Variants in COL4A4 observed in about 807,000 individuals in gnomAD.
COL4A4 encodes collagen type IV alpha 4 chain.
Under a neutral mutation model 192.9 loss-of-function variants are expected in COL4A4, and 105 were observed. That is an observed-to-expected ratio of 0.54 (90% confidence interval 0.46 to 0.64). The LOEUF (loss-of-function observed/expected upper bound fraction) is 0.64, where lower values mean the gene tolerates loss of function less well. COL4A4 is among the 30% of genes least tolerant of loss of function. COL4A4 has a pLI of 0.00. For synonymous variants in COL4A4, 762 were observed against 769.9 expected (o/e 0.99, Z 0.17); for missense variants, 1,967 against 2,169.3 (o/e 0.91, Z 1.85).
At chr2:227,001,125 C>T (rs146000998), downstream of COL4A4, among the ~76,000 whole-genome samples, 2,047 of 150,572 alleles carry the variant, frequency 0.014, 30 homozygotes, top group Middle Eastern at 0.021. Context: ...GACAGAGTCT[C>T]GCTCTGTTGC....
intron 29 of COL4A4, among the ~76,000 whole-genome samples, chr2:227,056,734 A>C (rs1331125424): frequency 6.6e-6 from 1 of 152,202 alleles, no homozygotes; most frequent in Non-Finnish European, 1.5e-5. Flanking sequence ...AAAGGTGAAC[A>C]CTTGGGGAGG....
rs991420557 is a variant in COL4A4 at position 227,025,685 on chromosome 2, C to T, written c.4090+117G>A. 12 of 893,966 alleles carry T rather than the reference C, an allele frequency of 1.3e-5. No individual in the cohort carries two copies. In the Admixed American group the frequency reaches 2.3e-4, roughly 17 times the overall value. The allele number at this position is 893,966 out of a possible 1,614,324, so 55.4% of individuals were successfully genotyped here. Reference sequence around the variant, plus strand: ...ACTGCAGCTTAATATCCTTACAGCACCCCATCTATAAAAATGTAACAAAGT... The same window carrying T: ...ACTGCAGCTTAATATCCTTACAGCATCCCATCTATAAAAATGTAACAAAGT... On this transcript the variant is annotated intron_variant, in intron 43 of 47. Transcript: ENST00000396625.
intron 28 of COL4A4, 80 bp from the exon 29 acceptor site, chr2:227,057,680 A>T: frequency 7.1e-7 from 1 of 1,409,724 alleles, no homozygotes; most frequent in Non-Finnish European, 1.0e-6. Flanking sequence ...CACGCATATC[A>T]ATACTGGAGG....
chr2:227,127,462 T>A (rs1188646588), intron 4 of COL4A4, among the ~76,000 whole-genome samples: 5 of 152,234 alleles, frequency 3.3e-5, no homozygotes, highest in Non-Finnish European at 1.5e-5. Flanking sequence ...CCGGCCTCCC[T>A]GTCTTCTGAA....
chr2:226,997,550 C>T, the COL4A4 span: 1 of 152,332 alleles, frequency 6.6e-6, no homozygotes, highest in South Asian at 2.1e-4. Flanking sequence ...TAGGGGCTCA[C>T]TAAATGTCAG....
At chr2:227,061,777 T>C (rs1977123374) in intron 26 of COL4A4, among the ~76,000 whole-genome samples, 1 of 152,216 alleles carries the variant, frequency 6.6e-6, no homozygotes, top group Non-Finnish European at 1.5e-5. Context: ...AAGTGATTGA[T>C]TCAAATGAAG....
the COL4A4 span, among the ~76,000 whole-genome samples, chr2:226,973,996 C>T: frequency 2.0e-5 from 3 of 152,148 alleles, no homozygotes; most frequent in East Asian, 1.9e-4. Context: ...GGGTAAGAGG[C>T]CCAGTGCCCC....
intron 27 of COL4A4, 37 bp downstream of exon 27, chr2:227,060,099 C>CAGAAA (rs1553644134): frequency 9.6e-6 from 4 of 417,294 alleles, no homozygotes; most frequent in Non-Finnish European, 1.3e-5. Flanking sequence ...ATTCCCAAAG[C>CAGAAA]AGAAAAAAAA....
chr2:227,020,598 G>T (rs1965813482), intron 44 of COL4A4, among the ~76,000 whole-genome samples: 1 of 152,090 alleles, frequency 6.6e-6, no homozygotes, highest in Non-Finnish European at 1.5e-5. Flanking sequence ...AAAACAAGTG[G>T]TACAAAATTC....
At chr2:226,981,646 TA>T in the COL4A4 span, among the ~76,000 whole-genome samples, 1 of 152,062 alleles carries the variant, frequency 6.6e-6, no homozygotes, top group Admixed American at 6.6e-5. Flanking sequence ...TAATCAGACC[TA>T]AAAGAACACA....
chr2:227,030,386 C>T, intron 41 of COL4A4, 57 bp downstream of exon 41: 1 of 1,583,692 alleles, frequency 6.3e-7, no homozygotes, highest in Admixed American at 1.7e-5. Context: ...ACCCCAGACC[C>T]TCAAGGGTAA....
At position 227,042,132 on chromosome 2, in the gene COL4A4, C is replaced by T; in HGVS notation, c.3505+16G>A. On this transcript the variant is annotated intron_variant, in intron 37 of 47. Coordinates refer to ENST00000396625, the MANE Select transcript of COL4A4 (RefSeq NM_000092.5). ...GGCTGCATCTTTCTTGTGGGATGGG[C>T]TTCATTTTGACTTACCTTTTATTCC... is the stretch of plus-strand genomic sequence containing the variant. 1 of 1,501,720 alleles carries T rather than the reference C, an allele frequency of 6.7e-7. No individual in the cohort carries two copies. Among genetic ancestry groups the T allele is most frequent in the Non-Finnish European group, 9.3e-7 (1 of 1,077,436 alleles). The allele number at this position is 1,501,720 out of a possible 1,614,324, so 93.0% of individuals were successfully genotyped here.
At chr2:227,117,264 T>C (rs2124975070) in intron 7 of COL4A4, among the ~76,000 whole-genome samples, 1 of 152,334 alleles carries the variant, frequency 6.6e-6, no homozygotes, top group Middle Eastern at 3.4e-3. Context: ...TACTGCATGC[T>C]ATGTTAAAGT....
At chr2:226,981,570 A>ACG in the COL4A4 span, among the ~76,000 whole-genome samples, 1 of 21,704 alleles carries the variant, frequency 4.6e-5, no homozygotes, top group Non-Finnish European at 8.0e-5. Context: ...GCACACACAT[A>ACG]CACACACACA....
At position 227,020,880 on chromosome 2, in the gene COL4A4, C is replaced by CTTTTTTTTTTTTTTTTTTTTTTTT. The variant is rs57119611; in HGVS notation, c.4216+1167_4216+1168insAAAAAAAAAAAAAAAAAAAAAAAA. Among the ~76,000 whole-genome samples the CTTTTTTTTTTTTTTTTTTTTTTTT allele has an allele frequency of 2.4e-5, 3 of 127,596 alleles. 1 individual carries two copies. The highest frequency in any genetic ancestry group is 6.3e-5 in the African/African-American group (2 of 31,574). The allele number at this position is 127,596 out of a possible 152,430, so 83.7% of individuals were successfully genotyped here. ...CAAACCATTCGGAGAACACTTTTTT[C>CTTTTTTTTTTTTTTTTTTTTTTTT]TTTTTTTTTTTTTTTTGAGATGGAG... On this transcript the variant is annotated intron_variant, in intron 44 of 47. Transcript: ENST00000396625.
chr2:227,127,192 G>A (rs894506911), intron 4 of COL4A4, among the ~76,000 whole-genome samples: 3 of 152,204 alleles, frequency 2.0e-5, no homozygotes, highest in Non-Finnish European at 2.9e-5. Flanking sequence ...GGCTACGTGC[G>A]CATGCAACTG....
At position 227,022,164 on chromosome 2, in the gene COL4A4, C is replaced by T. The variant is rs1966133677; in HGVS notation, c.4100G>A (p.Gly1367Glu). The T allele has an allele frequency of 6.2e-7, 1 of 1,614,048 alleles. No homozygotes were observed. The highest frequency in any genetic ancestry group is 1.1e-5 in the South Asian group (1 of 91,074). The change falls in exon 44 of 48, where the codon GGG becomes GAG. Residue 1367 changes from glycine to glutamate, a missense_variant. Transcript: ENST00000396625. ...TGLPGPRGEP[G>E]PPADVDDCPR... is the part of the protein sequence containing the mutation. ...ACAGTCATCCACATCTGCAGGTGGC[C>T]CCGGTTCACCTGAAATTGGAATCAC...
chr2:227,045,339 G>A (rs1972248227), intron 35 of COL4A4, among the ~76,000 whole-genome samples: 1 of 152,064 alleles, frequency 6.6e-6, no homozygotes, highest in African/African-American at 2.4e-5. Context: ...TAATAATGGA[G>A]GTTGACTTTG....
At chr2:227,026,302 C>T (rs1966854888) in intron 42 of COL4A4, among the ~76,000 whole-genome samples, 1 of 151,998 alleles carries the variant, frequency 6.6e-6, no homozygotes, top group African/African-American at 2.4e-5. Context: ...TCGAGACCAT[C>T]CTGGCTAACA....
Sources: allele counts gnomAD v4.1 joint callset (sites outside exome capture counted in the v4.1 genomes callset), GRCh38; gene constraint gnomAD v4.1.1; transcripts MANE v1.5; gene names NCBI Gene and HGNC (gene_info 2026-07-23, HGNC 2026-07-21).